The following TPD52L1 variants were observed in gnomAD, a reference collection of about 807,000 sequenced individuals.
TPD52L1 encodes the protein TPD52 like 1.
TPD52L1 carries 18 observed loss-of-function variants against 28.7 expected under a neutral mutation model. The observed-to-expected ratio is 0.63, with a 90% CI of 0.43 to 0.93. The LOEUF (loss-of-function observed/expected upper bound fraction) is 0.93. TPD52L1 is among the 40% of genes least tolerant of loss of function. The pLI, the probability that TPD52L1 is intolerant of heterozygous loss-of-function variation, is 0.00. For missense variants in TPD52L1, 203 were observed against 254.8 expected, an observed-to-expected ratio of 0.80 and a Z score of 1.39; for synonymous variants, 75 against 88.8, an observed-to-expected ratio of 0.84 and a Z score of 0.88.
intron 1 of TPD52L1, among the ~76,000 whole-genome samples, chr6:125,219,552 G>C (rs1033024393): frequency 1.3e-5 from 2 of 152,242 alleles, no homozygotes; most frequent in African/African-American, 4.8e-5. Context: ...TCAGGGTCAC[G>C]AGTTCTCAGG....
chr6:125,172,551 T>TATAA (rs533258594), intron 1 of TPD52L1, among the ~76,000 whole-genome samples: 38 of 83,836 alleles, frequency 4.5e-4, no homozygotes, highest in African/African-American at 1.4e-3. Context: ...TATATATATA[T>TATAA]AATATATATA....
At chr6:125,256,581 T>C (rs1033222746) in intron 5 of TPD52L1, among the ~76,000 whole-genome samples, 10 of 152,098 alleles carry the variant, frequency 6.6e-5, no homozygotes, top group Admixed American at 5.2e-4. Context: ...AAAGAAAAAA[T>C]ATATGAACAT....
chr6:125,255,080 C>A (rs1250056965), intron 5 of TPD52L1, among the ~76,000 whole-genome samples: 2 of 152,092 alleles, frequency 1.3e-5, no homozygotes, highest in Non-Finnish European at 2.9e-5. Flanking sequence ...GGTAGTGGAA[C>A]CTAAGGCTCT....
At chr6:125,168,310 C>T (rs764193415) in intron 1 of TPD52L1, among the ~76,000 whole-genome samples, 6 of 152,242 alleles carry the variant, frequency 3.9e-5, no homozygotes, top group East Asian at 3.9e-4. Flanking sequence ...CCCATCATAA[C>T]GGGCTCAGTA....
At chr6:125,208,307 G>A (rs1215974106) in intron 1 of TPD52L1, among the ~76,000 whole-genome samples, 2 of 152,170 alleles carry the variant, frequency 1.3e-5, no homozygotes, top group South Asian at 2.1e-4. Flanking sequence ...CTGGGGATAA[G>A]GAGGAATAAA....
At chr6:125,238,667 A>G (rs1329326687) in intron 3 of TPD52L1, among the ~76,000 whole-genome samples, 1 of 152,196 alleles carries the variant, frequency 6.6e-6, no homozygotes, top group Non-Finnish European at 1.5e-5. Flanking sequence ...TGCAAATGTC[A>G]TTATTTCATT....
intron 1 of TPD52L1, among the ~76,000 whole-genome samples, chr6:125,172,127 T>G (rs866648713): frequency 9.9e-4 from 71 of 71,904 alleles, no homozygotes; most frequent in African/African-American, 5.2e-3. Flanking sequence ...TTTCTTTCTT[T>G]CTTTCTTTCT....
intron 4 of TPD52L1, among the ~76,000 whole-genome samples, chr6:125,249,144 T>C (rs1477632733): frequency 6.6e-6 from 1 of 150,940 alleles, no homozygotes; most frequent in African/African-American, 2.4e-5. Flanking sequence ...ATATACAATA[T>C]ATTATATACC....
At chr6:125,199,478 G>A (rs540672609) in intron 1 of TPD52L1, among the ~76,000 whole-genome samples, 1 of 152,184 alleles carries the variant, frequency 6.6e-6, no homozygotes, top group Non-Finnish European at 1.5e-5. Context: ...CTGAGGTCAG[G>A]AGTTCAAGAC....
At chr6:125,154,325 T>G in intron 1 of TPD52L1, 8 of 1,080,848 alleles carry the variant, frequency 7.4e-6, no homozygotes, top group Non-Finnish European at 6.7e-6. Flanking sequence ...TTCGCTCCCT[T>G]TCCCTTGAGG....
At chr6:125,256,730 A>T (rs1344109744) in intron 5 of TPD52L1, among the ~76,000 whole-genome samples, 3 of 152,242 alleles carry the variant, frequency 2.0e-5, no homozygotes, top group Non-Finnish European at 4.4e-5. Context: ...AGTCAGGAAG[A>T]GGAGTGTTGT....
At chr6:125,259,189 G>T (rs915297571) in intron 6 of TPD52L1, among the ~76,000 whole-genome samples, 1 of 152,170 alleles carries the variant, frequency 6.6e-6, no homozygotes, top group Non-Finnish European at 1.5e-5. Flanking sequence ...TTTCTTGCAG[G>T]TCTATGTGCT....
chr6:125,223,682 C>G (rs1227366805), intron 2 of TPD52L1, among the ~76,000 whole-genome samples: 1 of 125,838 alleles, frequency 7.9e-6, no homozygotes, highest in Non-Finnish European at 1.6e-5. Context: ...GCACTCCAGC[C>G]TAGGCAACAG....
At chr6:125,189,757 A>C (rs1446331559) in intron 1 of TPD52L1, among the ~76,000 whole-genome samples, 2 of 152,168 alleles carry the variant, frequency 1.3e-5, no homozygotes, top group East Asian at 3.9e-4. Flanking sequence ...TTCACTCTGA[A>C]GTAGTTCCAA....
chr6:125,180,611 G>A (rs1282876248), intron 1 of TPD52L1, among the ~76,000 whole-genome samples: 1 of 151,548 alleles, frequency 6.6e-6, no homozygotes, highest in Non-Finnish European at 1.5e-5. Context: ...CACACACAGA[G>A]AGGGAGAGCT....
chr6:125,158,174 C>G (rs1428524143), intron 1 of TPD52L1, among the ~76,000 whole-genome samples: 1 of 152,262 alleles, frequency 6.6e-6, no homozygotes, highest in South Asian at 2.1e-4. Flanking sequence ...CTTAATCACA[C>G]CTGCAAAAGG....
At chr6:125,190,691 C>T (rs1278549105) in intron 1 of TPD52L1, among the ~76,000 whole-genome samples, 2 of 152,060 alleles carry the variant, frequency 1.3e-5, no homozygotes, top group East Asian at 3.9e-4. Flanking sequence ...ACAGTGACAC[C>T]ATCAGGCATT....
chr6:125,229,104 C>T lies in TPD52L1; in HGVS notation c.136-14C>T, dbSNP rs1359003544. On this transcript the variant is annotated splice_polypyrimidine_tract_variant and intron_variant, in intron 2 of 6. Transcript: ENST00000534000. Reference sequence around the variant, plus strand: ...TCTGACATTTTCCCCCACCATTTCCCCTCCGCCTTGTAGCTAGAAGACGAA... The same window carrying T: ...TCTGACATTTTCCCCCACCATTTCCTCTCCGCCTTGTAGCTAGAAGACGAA... The T allele has an allele frequency of 6.8e-6, 11 of 1,608,658 alleles. No individual in the cohort carries two copies. Among genetic ancestry groups the T allele is most frequent in the South Asian group, 2.2e-5 (2 of 90,118 alleles).
intron 1 of TPD52L1, among the ~76,000 whole-genome samples, chr6:125,180,928 T>TGTGA (rs3842120): frequency 0.59 from 89,490 of 151,636 alleles, 29,021 homozygotes; most frequent in African/African-American, 0.87. Flanking sequence ...TATATCTGAT[T>TGTGA]GTATTCACAG....
Sources: allele counts gnomAD v4.1 joint callset (sites outside exome capture counted in the v4.1 genomes callset), GRCh38; gene constraint gnomAD v4.1.1; transcripts MANE v1.5; gene names NCBI Gene and HGNC (gene_info 2026-07-23, HGNC 2026-07-21).